The following ASB2 variants were observed in gnomAD, a reference collection of about 807,000 sequenced individuals.
ASB2 encodes ankyrin repeat and SOCS box protein 2.
ASB2 carries 58 observed loss-of-function variants against 62.4 expected under a neutral mutation model. That is an observed-to-expected ratio of 0.93 (90% CI 0.75 to 1.16). The LOEUF is 1.16. Ranked by LOEUF, ASB2 falls within the 50% of genes most tolerant of loss-of-function variation. ASB2 has a pLI of 0.00. For synonymous variants in ASB2, 386 were observed against 385.3 expected (o/e 1.00, Z -0.02); for missense variants, 928 against 887.9 (o/e 1.05, Z -0.57).
In ASB2 at chr14:93,945,820, T is replaced by C. The variant is rs556934394; in HGVS notation, c.1052+1529A>G. Among the ~76,000 whole-genome samples, 456 of 152,322 alleles carry C rather than the reference T, an allele frequency of 3.0e-3. 2 individuals carry two copies. Among genetic ancestry groups the C allele is most frequent in the African/African-American group, 0.01 (434 of 41,560 alleles). ...CATTTCAGTCTTTGGAATGTCACTT[T>C]GACCCCATTTCCCTCTGCCTTAGTG... On this transcript the variant is annotated intron_variant, in intron 7 of 9. Transcript: ENST00000555019.
At chr14:93,961,146 G>C (rs1031443532) in intron 2 of ASB2, among the ~76,000 whole-genome samples, 1 of 152,122 alleles carries the variant, frequency 6.6e-6, no homozygotes, top group Non-Finnish European at 1.5e-5. Flanking sequence ...AGGTCAATAC[G>C]AGCTGCAAGA....
chr14:93,956,353 G>A (rs1186478609), intron 3 of ASB2, among the ~76,000 whole-genome samples: 1 of 152,222 alleles, frequency 6.6e-6, no homozygotes, highest in African/African-American at 2.4e-5. Flanking sequence ...GGGGGAAAGT[G>A]AGACTGGGAC....
At chr14:93,943,701 A>G (rs892970517) in intron 7 of ASB2, among the ~76,000 whole-genome samples, 5 of 152,230 alleles carry the variant, frequency 3.3e-5, no homozygotes. Flanking sequence ...CCAGTTGCCC[A>G]CAGACGGCTC....
intron 7 of ASB2, among the ~76,000 whole-genome samples, chr14:93,946,817 T>C (rs1442227781): frequency 6.6e-6 from 1 of 152,220 alleles, no homozygotes; most frequent in Non-Finnish European, 1.5e-5. Flanking sequence ...ATTTGTGTTA[T>C]TGTAGGTTTT....
chr14:93,935,778 A>AG (rs1567017301), intron 9 of ASB2, among the ~76,000 whole-genome samples: 1 of 151,894 alleles, frequency 6.6e-6, no homozygotes, highest in Admixed American at 6.5e-5. Flanking sequence ...TGACACTTCC[A>AG]CTGCCCTCTG....
rs774655339 is a variant in ASB2, at chr14:93,954,478, G to A, written c.317C>T (p.Ala106Val). The A allele has an allele frequency of 1.1e-5, 17 of 1,613,942 alleles. No individual in the cohort carries two copies. Among genetic ancestry groups the A allele is most frequent in the Admixed American group, 3.3e-5 (2 of 60,008 alleles). Residue 106 changes from alanine (A) to valine (V), a missense_variant, in exon 4 of 10, where the codon GCG becomes GTG. By Grantham distance (64) the Ala-to-Val change is moderately conservative (BLOSUM62 0). Transcript: ENST00000555019. ...CTTGATGGCCTTTATCAAGGGGTCC[G>A]CAGGCCTGTGAGAGGAAGGAGTGGG... ...SLFKTSQLAP[A>V]DPLIKAIKDG...
intron 5 of ASB2, 76 bp downstream of exon 5, chr14:93,953,276 G>A: frequency 7.5e-7 from 1 of 1,332,058 alleles, no homozygotes; most frequent in East Asian, 2.5e-5. Context: ...GCACTTAACG[G>A]GAGCAACATT....
At chr14:93,965,810 G>A (rs1373761568) in intron 1 of ASB2, among the ~76,000 whole-genome samples, 1 of 152,234 alleles carries the variant, frequency 6.6e-6, no homozygotes, top group African/African-American at 2.4e-5. Flanking sequence ...AGGGCTGATG[G>A]ACATGCGTCA....
At chr14:93,955,446 C>T (rs2141299138) in intron 3 of ASB2, 1 of 234,758 alleles carries the variant, frequency 4.3e-6, no homozygotes, top group East Asian at 9.6e-5. Context: ...CCTGAGGTCC[C>T]CATCAGCACC....
intron 1 of ASB2, among the ~76,000 whole-genome samples, chr14:93,975,191 C>T (rs1889878700): frequency 6.6e-6 from 1 of 152,252 alleles, no homozygotes; most frequent in Admixed American, 6.5e-5. Context: ...CCCCCTCAAG[C>T]CCTCGCCTCA....
chr14:93,947,103 G>A (rs1888754173), intron 7 of ASB2, among the ~76,000 whole-genome samples: 1 of 152,220 alleles, frequency 6.6e-6, no homozygotes, highest in Admixed American at 6.5e-5. Context: ...GTGAAGTACT[G>A]GTAAGCGCTG....
In ASB2 at chr14:93,945,532, G is replaced by A. The variant is rs114147389; in HGVS notation, c.1052+1817C>T. On this transcript the variant is annotated intron_variant, in intron 7 of 9. Transcript: ENST00000555019. Reference sequence around the variant, plus strand: ...TGGTCCTCCGACAACCCCATGAGGCGGGTGTAACCATTTCCCATTTTATAA... The same window carrying A: ...TGGTCCTCCGACAACCCCATGAGGCAGGTGTAACCATTTCCCATTTTATAA... Among the ~76,000 whole-genome samples the A allele has an allele frequency of 3.7e-3, 558 of 152,324 alleles. 7 individuals carry two copies. Among genetic ancestry groups the A allele is most frequent in the African/African-American group, 0.013 (536 of 41,560 alleles).
intron 9 of ASB2, among the ~76,000 whole-genome samples, chr14:93,935,100 T>TG (rs1406315381): frequency 2.0e-5 from 3 of 152,126 alleles, no homozygotes; most frequent in African/African-American, 7.2e-5. Context: ...CTGGGACTAG[T>TG]GGTGGTGTCT....
chr14:93,934,442 A>T lies in ASB2; in HGVS notation c.*214T>A. ...CTGGGATCTGCTCATCAGTTTGTAA[A>T]CAAATGATTCTTCTCCTTGACACAT... On this transcript the variant is annotated 3_prime_UTR_variant, in exon 10 of 10. Transcript: ENST00000555019. 1 of 575,648 alleles carries T rather than the reference A, an allele frequency of 1.7e-6. No individual in the cohort carries two copies. The highest frequency in any genetic ancestry group is 2.0e-5 in the South Asian group (1 of 49,608). 35.7% of individuals were successfully genotyped at this position (575,648 alleles called of 1,614,324 possible).
At chr14:93,952,713 C>A (rs989838356) in intron 5 of ASB2, among the ~76,000 whole-genome samples, 17 of 152,186 alleles carry the variant, frequency 1.1e-4, no homozygotes, top group African/African-American at 3.9e-4. Context: ...AAAGGGGATA[C>A]CAGCAGTGCC....
intron 7 of ASB2, among the ~76,000 whole-genome samples, chr14:93,943,204 T>G (rs938648662): frequency 6.6e-6 from 1 of 152,208 alleles, no homozygotes; most frequent in Non-Finnish European, 1.5e-5. Context: ...TGAATCTGAT[T>G]GGCCCGTAGT....
intron 6 of ASB2, among the ~76,000 whole-genome samples, chr14:93,949,385 C>T (rs1460209444): frequency 2.0e-5 from 3 of 152,224 alleles, no homozygotes; most frequent in African/African-American, 7.2e-5. Context: ...TTAGGAGCCT[C>T]GGTTTTCTCA....
At chr14:93,963,035 T>C (rs900488794) in intron 2 of ASB2, among the ~76,000 whole-genome samples, 1 of 152,184 alleles carries the variant, frequency 6.6e-6, no homozygotes, top group African/African-American at 2.4e-5. Flanking sequence ...CTGCCTGCCT[T>C]CCCCTTTAAA....
At chr14:93,966,054 G>T (rs76597362) in intron 1 of ASB2, among the ~76,000 whole-genome samples, 1,727 of 152,370 alleles carry the variant, frequency 0.011, 39 homozygotes, top group African/African-American at 0.04. Flanking sequence ...AACTTCTCCT[G>T]AGCTGTGGTC....
Sources: gnomAD v4.1 joint callset for allele counts (sites outside exome capture counted in the v4.1 genomes callset) on GRCh38, gnomAD v4.1.1 for gene constraint, MANE v1.5 for transcripts, NCBI Gene and HGNC (gene_info 2026-07-23, HGNC 2026-07-21) for gene names.